FBLN2: variants seen among roughly 807,000 people sequenced by gnomAD.
FBLN2 encodes fibulin-2.
A neutral mutation model predicts 123.7 loss-of-function variants in FBLN2; 81 were observed. The ratio of observed to expected loss-of-function variants is 0.65; its 90% CI spans 0.55 to 0.79. FBLN2 has a LOEUF of 0.79. FBLN2 is among the 30% of genes least tolerant of loss of function. The pLI is 0.00. For missense variants in FBLN2, 1,603 were observed against 1,681.3 expected (o/e 0.95, Z 0.81); for synonymous variants, 699 against 701.4 (o/e 1.00, Z 0.05).
intron 1 of FBLN2, among the ~76,000 whole-genome samples, chr3:13,567,689 C>G (rs1403730445): frequency 6.6e-6 from 1 of 151,144 alleles, no homozygotes; most frequent in Non-Finnish European, 1.5e-5. Context: ...ACACTGTCAG[C>G]TGGCACGGTG....
In FBLN2 at chr3:13,560,165, T is replaced by C. The variant is rs115299360; in HGVS notation, c.-41-10150T>C. Among the ~76,000 whole-genome samples the C allele has an allele frequency of 7.6e-3, 1,159 of 152,288 alleles. 12 individuals are homozygous for C. Among genetic ancestry groups the C allele is most frequent in the African/African-American group, 0.026 (1,082 of 41,552 alleles). On this transcript the variant is annotated intron_variant, in intron 1 of 17. Transcript: ENST00000404922. ...ATTTTTCACGTGCTTATGTTGGTAA[T>C]GAGATTAGTGATTGTGTATGTAGGG...
rs757275948 is a variant in FBLN2, at chr3:13,626,578, A to G, written c.2430A>G (p.Glu810=). 6.5e-7 allele frequency: 1 copy of G among 1,541,782 alleles called. No individual in the cohort carries two copies. Among genetic ancestry groups the G allele is most frequent in the South Asian group, 1.2e-5 (1 of 83,440 alleles). The part of the protein sequence containing the change: ...PGYALKDGEC[E]DVDECAMGTH... ...ATGCCCTCAAGGATGGCGAGTGCGA[A>G]GGTGAGAAGGGCCCAGAAGGACCAA... The change falls in exon 10 of 18, where the codon GAA becomes GAG. Residue 810 remains glutamate, a splice_region_variant and synonymous_variant. Transcript: ENST00000404922.
intron 1 of FBLN2, among the ~76,000 whole-genome samples, chr3:13,568,041 G>A (rs1367302353): frequency 2.0e-5 from 3 of 152,134 alleles, no homozygotes; most frequent in Non-Finnish European, 2.9e-5. Flanking sequence ...TTGCTGACTG[G>A]GAGTAAAGGC....
At chr3:13,632,961 G>A (rs1190102665) in intron 16 of FBLN2, among the ~76,000 whole-genome samples, 1 of 152,346 alleles carries the variant, frequency 6.6e-6, no homozygotes, top group Non-Finnish European at 1.5e-5. Context: ...GTGACACCAA[G>A]GCCCTGTTCC....
chr3:13,629,957 C>G lies in FBLN2; in HGVS notation c.2968+12C>G. The G allele has an allele frequency of 6.2e-7, 1 of 1,609,896 alleles. No homozygotes were observed. Among genetic ancestry groups the G allele is most frequent in the African/African-American group, 1.3e-5 (1 of 74,998 alleles). On this transcript the variant is annotated intron_variant, in intron 14 of 17. Transcript: ENST00000404922. Reference sequence around the variant, plus strand: ...CAAGCGCTGTGAAGGTAGGCTGGCCCTCATCTCTGACCCTATGCCGCCTGG... The same window carrying G: ...CAAGCGCTGTGAAGGTAGGCTGGCCGTCATCTCTGACCCTATGCCGCCTGG...
In FBLN2 at chr3:13,632,784, G is replaced by A. The variant is rs371870300; in HGVS notation, c.3214+1327G>A. ...AAATCACTGACTGGGAGGCCTGCTC[G>A]GCCCACAGAAGCTGGCTTACTTAGG... On this transcript the variant is annotated intron_variant, in intron 16 of 17. Coordinates refer to ENST00000404922, the MANE Select transcript of FBLN2 (RefSeq NM_001004019.2). Among the ~76,000 whole-genome samples the A allele has an allele frequency of 1.4e-3, 216 of 152,204 alleles. 5 individuals carry two copies. In the South Asian group the frequency reaches 0.044, roughly 31 times the overall value.
chr3:13,553,405 CAT>C (rs1344196179), intron 1 of FBLN2, among the ~76,000 whole-genome samples: 1 of 152,160 alleles, frequency 6.6e-6, no homozygotes, highest in Non-Finnish European at 1.5e-5. Flanking sequence ...CCTGCAGTCA[CAT>C]AGCGACTGAG....
chr3:13,623,528 AG>A (rs2124900264), intron 9 of FBLN2, among the ~76,000 whole-genome samples: 1 of 152,244 alleles, frequency 6.6e-6, no homozygotes, highest in African/African-American at 2.4e-5. Flanking sequence ...CCGTCGTGTT[AG>A]TACCTGCCGC....
chr3:13,600,017 CAGAGAG>C lies in FBLN2; in HGVS notation c.1307-8022_1307-8017del, dbSNP rs113759892. 2.3e-3 allele frequency among the ~76,000 whole-genome samples: 311 copies of C among 137,308 alleles called. 3 individuals carry two copies. The South Asian group carries it at 0.025, about 11-fold the overall frequency. 90.1% of individuals were successfully genotyped at this position (137,308 alleles called of 152,430 possible). On this transcript the variant is annotated intron_variant, in intron 2 of 17. Coordinates refer to ENST00000404922, the MANE Select transcript of FBLN2 (RefSeq NM_001004019.2). ...GTGCTCAGGAAGTTAAAAAACACGA[CAGAGAG>C]AGAGAGAGAGAGAGAGAGAGAGCGA...
Position 13,613,927 on chromosome 3 carries a change from A to C in FBLN2, c.1549-57A>C, listed in dbSNP as rs1394560051. ...TCTCCATTTATCAGTCCCTCCCCTG[A>C]GCCTAGCTCCAGGCTGGGGCCAGAG... On this transcript the variant is annotated intron_variant, in intron 4 of 17. Transcript: ENST00000404922. 3 of 1,560,986 alleles carry C rather than the reference A, an allele frequency of 1.9e-6. No homozygotes were observed. The Admixed American group carries it at 5.3e-5, about 28-fold the overall frequency.
chr3:13,605,792 G>T (rs768540148), intron 2 of FBLN2, among the ~76,000 whole-genome samples: 1 of 152,142 alleles, frequency 6.6e-6, no homozygotes, highest in African/African-American at 2.4e-5. Flanking sequence ...CCAGCTGGCC[G>T]CAGTCTCCTC....
In FBLN2 at chr3:13,549,150, T is replaced by C; in HGVS notation, c.-100T>C. 3 of 982,086 alleles carry C rather than the reference T, an allele frequency of 3.1e-6. No homozygotes were observed. Among genetic ancestry groups the C allele is most frequent in the Non-Finnish European group, 3.6e-6 (3 of 828,748 alleles). 60.8% of individuals were successfully genotyped at this position (982,086 alleles called of 1,614,324 possible). On this transcript the variant is annotated 5_prime_UTR_variant, in exon 1 of 18. Coordinates refer to ENST00000404922, the MANE Select transcript of FBLN2 (RefSeq NM_001004019.2). ...GCACACAGCCAGGGGCCGCCCGGGC[T>C]CTCGACGCGCCGACGGCCGGGCGGA...
intron 1 of FBLN2, among the ~76,000 whole-genome samples, chr3:13,565,976 G>C: frequency 6.6e-6 from 1 of 152,248 alleles, no homozygotes; most frequent in Non-Finnish European, 1.5e-5. Flanking sequence ...CCTTCCTGAT[G>C]GGTGCAAGGG....
chr3:13,586,717 C>G (rs899626696), intron 2 of FBLN2, among the ~76,000 whole-genome samples: 2 of 149,466 alleles, frequency 1.3e-5, no homozygotes, highest in African/African-American at 4.9e-5. Flanking sequence ...CCATGTTGCC[C>G]AGGCTGGTTG....
At chr3:13,625,700 C>T (rs1371380892) in intron 9 of FBLN2, among the ~76,000 whole-genome samples, 1 of 152,038 alleles carries the variant, frequency 6.6e-6, no homozygotes, top group African/African-American at 2.4e-5. Context: ...CCACTTCTCC[C>T]AGCCCATTGA....
chr3:13,559,289 G>C (rs773419212), intron 1 of FBLN2, among the ~76,000 whole-genome samples: 1 of 152,022 alleles, frequency 6.6e-6, no homozygotes, highest in African/African-American at 2.4e-5. Context: ...CAGTTTTTCA[G>C]TTAGCTTCAG....
intron 2 of FBLN2, 73 bp downstream of exon 2, chr3:13,571,734 AG>A (rs1217159852): frequency 2.8e-5 from 41 of 1,450,302 alleles, no homozygotes; most frequent in Non-Finnish European, 3.7e-5. Flanking sequence ...CCGCTGCCCC[AG>A]GTCTCTGCCT....
At position 13,627,226 on chromosome 3, in the gene FBLN2, G is replaced by A. The variant is rs1378020499; in HGVS notation, c.2432-606G>A. On this transcript the variant is annotated intron_variant, in intron 10 of 17. Coordinates refer to ENST00000404922, the MANE Select transcript of FBLN2 (RefSeq NM_001004019.2). Reference sequence around the variant, plus strand: ...AGAAGCTCCTGGGGAGGGTGTTCAGGCAGAGGGGGCAGCGTGCCAAGGCCT... The same window carrying A: ...AGAAGCTCCTGGGGAGGGTGTTCAGACAGAGGGGGCAGCGTGCCAAGGCCT... Among the ~76,000 whole-genome samples the A allele has an allele frequency of 3.9e-5, 6 of 151,986 alleles. No individual in the cohort carries two copies. In the East Asian group the frequency reaches 9.7e-4, roughly 24 times the overall value.
At chr3:13,622,381 G>A (rs1351544377) in intron 9 of FBLN2, among the ~76,000 whole-genome samples, 10 of 152,228 alleles carry the variant, frequency 6.6e-5, no homozygotes, top group Admixed American at 6.5e-4. Context: ...TGTGTGACAT[G>A]TATGTGGGGT....
Sources: gnomAD v4.1 joint callset for allele counts (sites outside exome capture counted in the v4.1 genomes callset) on GRCh38, gnomAD v4.1.1 for gene constraint, MANE v1.5 for transcripts, NCBI Gene and HGNC (gene_info 2026-07-23, HGNC 2026-07-21) for gene names.